PBX1: variants seen among roughly 807,000 people sequenced by gnomAD.
The protein encoded by PBX1 is pre-B-cell leukemia transcription factor 1.
In PBX1, 6 loss-of-function variants were observed where a neutral mutation model predicts 53.4. The observed-to-expected ratio is 0.11, with a 90% CI of 0.06 to 0.22. The LOEUF (loss-of-function observed/expected upper bound fraction) is 0.22, where lower values mean the gene tolerates loss of function less well. Among genes scored for constraint, PBX1 ranks in the 10% least tolerant of loss-of-function variants. The probability of loss-of-function intolerance (pLI) is 1.00; values close to 1 mark genes in which losing one functional copy is unlikely to be tolerated. For synonymous variants in PBX1, 204 were observed against 212.3 expected (o/e 0.96, Z 0.34); for missense variants, 251 against 551.4 (o/e 0.46, Z 5.46).
At chr1:164,707,418 T>TGTGTGTGAGAGAGAGAGAGAGA (rs58617739) in intron 2 of PBX1, among the ~76,000 whole-genome samples, 6 of 118,212 alleles carry the variant, frequency 5.1e-5, no homozygotes, top group African/African-American at 2.3e-4. Context: ...TGTGTGTGTG[T>TGTGTGTGAGAGAGAGAGAGAGA]GAGAGAGAGA....
chr1:164,727,134 A>T (rs943357117), intron 2 of PBX1, among the ~76,000 whole-genome samples: 4 of 152,182 alleles, frequency 2.6e-5, no homozygotes, highest in Non-Finnish European at 4.4e-5. Context: ...TTGACCCTTT[A>T]GCATCTCCTG....
chr1:164,855,725 T>C (rs1056619105), downstream of PBX1, among the ~76,000 whole-genome samples: 14 of 152,318 alleles, frequency 9.2e-5, no homozygotes, highest in African/African-American at 3.1e-4. Context: ...GTCTTTACAA[T>C]GCCAGTTGAG....
intron 2 of PBX1, among the ~76,000 whole-genome samples, chr1:164,869,553 C>A (rs1672299066): frequency 6.6e-6 from 1 of 152,174 alleles, no homozygotes; most frequent in Non-Finnish European, 1.5e-5. Flanking sequence ...GTTTACCGAG[C>A]ACCTTCTATG....
intron 2 of PBX1, among the ~76,000 whole-genome samples, chr1:164,588,613 C>A (rs1311769004): frequency 6.6e-6 from 1 of 150,954 alleles, no homozygotes; most frequent in East Asian, 2.0e-4. Flanking sequence ...CCTCTGGTTC[C>A]TTCTTCCTTT....
chr1:164,587,601 T>C (rs949415114), intron 2 of PBX1, among the ~76,000 whole-genome samples: 11 of 152,182 alleles, frequency 7.2e-5, no homozygotes, highest in Non-Finnish European at 1.5e-4. Flanking sequence ...GAGTTTATTC[T>C]CCCATTCATA....
intron 2 of PBX1, among the ~76,000 whole-genome samples, chr1:164,617,681 A>G (rs16833210): frequency 0.032 from 4,881 of 152,256 alleles, 208 homozygotes; most frequent in African/African-American, 0.097. Flanking sequence ...TTTTCCCTGG[A>G]CCAGGATTCT....
intron 2 of PBX1, among the ~76,000 whole-genome samples, chr1:164,581,967 T>G (rs766110011): frequency 6.6e-6 from 1 of 152,238 alleles, no homozygotes; most frequent in Non-Finnish European, 1.5e-5. Flanking sequence ...GAACCTGTTA[T>G]GTATCTTATT....
At chr1:164,750,457 C>G (rs1387982099) in intron 2 of PBX1, among the ~76,000 whole-genome samples, 2 of 149,796 alleles carry the variant, frequency 1.3e-5, no homozygotes, top group Non-Finnish European at 2.9e-5. Context: ...AAAATAAATT[C>G]TCAATCAGAG....
At chr1:164,885,975 G>A (rs142035868) in intron 2 of PBX1, among the ~76,000 whole-genome samples, 17 of 151,848 alleles carry the variant, frequency 1.1e-4, no homozygotes, top group African/African-American at 4.1e-4. Flanking sequence ...AGGATTTTTT[G>A]TATTCTTTAC....
intron 2 of PBX1, among the ~76,000 whole-genome samples, chr1:164,635,733 A>G (rs866281827): frequency 5.3e-5 from 8 of 152,334 alleles, no homozygotes; most frequent in Admixed American, 2.6e-4. Context: ...ATTTACGTCT[A>G]TTATATTGCA....
At chr1:164,863,930 G>T (rs1672156263) in intron 2 of PBX1, among the ~76,000 whole-genome samples, 1 of 152,166 alleles carries the variant, frequency 6.6e-6, no homozygotes, top group Non-Finnish European at 1.5e-5. Flanking sequence ...ATAGAATAGT[G>T]GTTTCATTCA....
chr1:164,711,016 G>A (rs1250009696), intron 2 of PBX1, among the ~76,000 whole-genome samples: 3 of 152,110 alleles, frequency 2.0e-5, no homozygotes, highest in Non-Finnish European at 4.4e-5. Flanking sequence ...CTCAATGCAG[G>A]GAGAGATGCA....
At chr1:164,649,887 T>C (rs925680859) in intron 2 of PBX1, among the ~76,000 whole-genome samples, 1 of 152,090 alleles carries the variant, frequency 6.6e-6, no homozygotes, top group Non-Finnish European at 1.5e-5. Flanking sequence ...ATAATAACAT[T>C]GCCAGCTTTG....
intron 2 of PBX1, among the ~76,000 whole-genome samples, chr1:164,699,405 G>T (rs994935563): frequency 6.6e-6 from 1 of 152,018 alleles, no homozygotes; most frequent in African/African-American, 2.4e-5. Context: ...TCTGTTGCCT[G>T]GTGTCTCCCC....
intron 2 of PBX1, among the ~76,000 whole-genome samples, chr1:164,594,800 C>G (rs1428290121): frequency 6.6e-6 from 1 of 152,090 alleles, no homozygotes; most frequent in African/African-American, 2.4e-5. Context: ...CAATTTAGAC[C>G]AGCCACATTA....
intron 2 of PBX1, among the ~76,000 whole-genome samples, chr1:164,623,309 AAT>A (rs1657816186): frequency 6.6e-6 from 1 of 152,234 alleles, no homozygotes. Flanking sequence ...ACCCCCAGGT[AAT>A]TGCCCACAGT....
intron 2 of PBX1, among the ~76,000 whole-genome samples, chr1:164,754,564 G>T (rs1211732787): frequency 6.6e-6 from 1 of 152,212 alleles, no homozygotes; most frequent in Non-Finnish European, 1.5e-5. Context: ...CTGTTGCATT[G>T]CAGGGACTGA....
At chr1:164,698,574 G>T (rs945350476) in intron 2 of PBX1, among the ~76,000 whole-genome samples, 4 of 152,046 alleles carry the variant, frequency 2.6e-5, no homozygotes, top group Admixed American at 2.6e-4. Context: ...TCCCGCATCT[G>T]AAGTAGCTGA....
chr1:164,566,426 C>T (rs1032183404), intron 2 of PBX1, among the ~76,000 whole-genome samples: 5 of 152,168 alleles, frequency 3.3e-5, no homozygotes, highest in Admixed American at 2.6e-4. Flanking sequence ...AGACCTATAG[C>T]AATGTATATT....
Sources: allele counts gnomAD v4.1 joint callset (sites outside exome capture counted in the v4.1 genomes callset), GRCh38; gene constraint gnomAD v4.1.1; transcripts MANE v1.5; gene names NCBI Gene and HGNC (gene_info 2026-07-23, HGNC 2026-07-21).